The following MTMR10 variants were observed in gnomAD, a reference collection of about 807,000 sequenced individuals.
MTMR10 encodes myotubularin-related protein 10.
Under a neutral mutation model 88.1 loss-of-function variants are expected in MTMR10, and 56 were observed. The observed-to-expected ratio is 0.64, with a 90% confidence interval of 0.51 to 0.79. The LOEUF is 0.79. Among genes scored for constraint, MTMR10 ranks in the 30% least tolerant of loss-of-function variants. The probability of loss-of-function intolerance (pLI) is 0.00; values close to 1 mark genes in which losing one functional copy is unlikely to be tolerated. For synonymous variants in MTMR10, 380 were observed against 340.9 expected (o/e 1.11, Z -1.26); for missense variants, 883 against 924.7 (o/e 0.95, Z 0.58).
At chr15:30,943,444 C>A in intron 14 of MTMR10, 1 of 985,342 alleles carries the variant, frequency 1.0e-6, no homozygotes, top group Middle Eastern at 5.2e-4. Flanking sequence ...ACGGTCAGTA[C>A]ATTTAAGTAG....
rs2140981872 is a variant in MTMR10, at chr15:30,940,440, G to A, written c.*1030C>T. 1 of 985,372 alleles carries A rather than the reference G, an allele frequency of 1.0e-6. No homozygotes were observed. 61.0% of individuals were successfully genotyped at this position (985,372 alleles called of 1,614,324 possible). ...ATTTCTCCTCTATTCCTAAGCATTA[G>A]GAACTATGAGAGAAGGACATCTGTG... On this transcript the variant is annotated 3_prime_UTR_variant, in exon 16 of 16. Coordinates refer to ENST00000435680, the MANE Select transcript of MTMR10 (RefSeq NM_017762.3).
chr15:30,957,910 G>A (rs1017115969), intron 9 of MTMR10, among the ~76,000 whole-genome samples: 3 of 152,216 alleles, frequency 2.0e-5, no homozygotes, highest in African/African-American at 4.8e-5. Context: ...GGCAGAGGTG[G>A]AGCTGGGTTT....
At position 30,941,877 on chromosome 15, in the gene MTMR10, C is replaced by G. The variant is rs369814412; in HGVS notation, c.1927G>C (p.Gly643Arg). 6.2e-7 allele frequency: 1 copy of G among 1,614,018 alleles called. No homozygotes were observed. Among genetic ancestry groups the G allele is most frequent in the Non-Finnish European group, 8.5e-7 (1 of 1,179,896 alleles). ...CCAGAGACACGTGGCAGAATAACAC[C>G]GTGCAGGTTGGCGGGTTTGGAAAAC... ...EWFSKPANLH[G>R]VILPRVSGTH... Residue 643 changes from glycine to arginine, a missense_variant, in exon 16 of 16, where the codon GGT becomes CGT. By Grantham distance (125) the Gly-to-Arg change is moderately radical. This residue lies in a region of MTMR10 where 343 missense variants were observed against 323.2 expected (regional missense o/e 1.06). Transcript: ENST00000435680.
chr15:30,960,794 G>C (rs1035571630), intron 7 of MTMR10, 87 bp downstream of exon 7: 3 of 1,349,510 alleles, frequency 2.2e-6, no homozygotes, highest in African/African-American at 2.9e-5. Flanking sequence ...ACCACAACTT[G>C]AAAGTCATCA....
Position 30,942,079 on chromosome 15 carries a change from A to G in MTMR10, c.1732-7T>C. On this transcript the variant is annotated splice_polypyrimidine_tract_variant and splice_region_variant and intron_variant, in intron 15 of 15. Coordinates refer to ENST00000435680, the MANE Select transcript of MTMR10 (RefSeq NM_017762.3). ...GTGTGGAGCTGTAGCTTTTCTATAC[A>G]GAAGAGATTTTATTATGTTCCGGGG... is the stretch of plus-strand genomic sequence containing the variant. The G allele has an allele frequency of 6.2e-7, 1 of 1,606,810 alleles. No homozygotes were observed. Among genetic ancestry groups the G allele is most frequent in the South Asian group, 1.1e-5 (1 of 90,474 alleles).
intron 2 of MTMR10, among the ~76,000 whole-genome samples, chr15:30,990,364 A>C (rs1285285439): frequency 6.6e-6 from 1 of 152,258 alleles, no homozygotes; most frequent in Non-Finnish European, 1.5e-5. Flanking sequence ...GCAAATTTGC[A>C]AATACAGCTG....
chr15:30,987,248 C>T (rs1368924263), intron 2 of MTMR10, among the ~76,000 whole-genome samples: 1 of 152,170 alleles, frequency 6.6e-6, no homozygotes, highest in East Asian at 1.9e-4. Context: ...GGTAAGGTAA[C>T]AGTTTAAGCC....
the MTMR10 span, chr15:30,930,822 C>T: frequency 1.1e-6 from 1 of 916,134 alleles, no homozygotes; most frequent in Non-Finnish European, 1.7e-6. Context: ...GGGCCTGTCC[C>T]CTGCGACTGG....
chr15:30,965,681 A>T (rs2063464531), intron 6 of MTMR10, among the ~76,000 whole-genome samples: 4 of 152,300 alleles, frequency 2.6e-5, no homozygotes, highest in Admixed American at 2.6e-4. Flanking sequence ...TACACATCTT[A>T]CTTTACTCCA....
chr15:30,920,728 C>T, the MTMR10 span: 1 of 827,766 alleles, frequency 1.2e-6, no homozygotes, highest in Non-Finnish European at 2.0e-6. Flanking sequence ...AGCTGTCGGG[C>T]TCTCAGCATT....
In MTMR10 at chr15:30,939,067, G is replaced by T; in HGVS notation, c.*2403C>A. 1 of 985,390 alleles carries T rather than the reference G, an allele frequency of 1.0e-6. No individual in the cohort carries two copies. The highest frequency in any genetic ancestry group is 1.2e-6 in the Non-Finnish European group (1 of 829,916). The allele number at this position is 985,390 out of a possible 1,614,324, so 61.0% of individuals were successfully genotyped here. ...CAAGTCATCAATTTTAGGCACAAAGGTTTTAGTTTTCTCGGGAAATCAAGT... is the reference window on the plus strand; with the variant it reads ...CAAGTCATCAATTTTAGGCACAAAGTTTTTAGTTTTCTCGGGAAATCAAGT... On this transcript the variant is annotated 3_prime_UTR_variant, in exon 16 of 16. Transcript: ENST00000435680.
the MTMR10 span, chr15:30,928,516 G>GTGTGTGTGTGTGTGTA: frequency 6.2e-7 from 1 of 1,601,222 alleles, no homozygotes; most frequent in South Asian, 1.1e-5. Context: ...TTGTGTGTGT[G>GTGTGTGTGTGTGTGTA]TGTGTGTGTG....
chr15:30,971,985 C>T (rs1030055932), intron 5 of MTMR10, among the ~76,000 whole-genome samples: 4 of 152,124 alleles, frequency 2.6e-5, no homozygotes, highest in African/African-American at 9.7e-5. Flanking sequence ...GAACATTTAA[C>T]AAAATGTGAA....
chr15:30,982,093 G>GA (rs71420537), intron 2 of MTMR10, among the ~76,000 whole-genome samples: 27,126 of 149,746 alleles, frequency 0.18, 2,628 homozygotes, highest in African/African-American at 0.25. Context: ...AAAAGAAAAA[G>GA]AAAAAAAAGA....
At position 30,974,930 on chromosome 15, in the gene MTMR10, C is replaced by A; in HGVS notation, c.331+1G>T. 6.5e-7 allele frequency: 1 copy of A among 1,547,938 alleles called. No individual in the cohort carries two copies. Among genetic ancestry groups the A allele is most frequent in the Non-Finnish European group, 8.8e-7 (1 of 1,138,440 alleles). On this transcript the variant is annotated splice_donor_variant, in intron 4 of 15. Transcript: ENST00000435680. LOFTEE classifies it high-confidence loss of function. ...TAGAGTATGTACGGAATACTACGTACCTGTGACAATTTGCTCAATACATGT... is the reference window on the plus strand; with the variant it reads ...TAGAGTATGTACGGAATACTACGTAACTGTGACAATTTGCTCAATACATGT...
chr15:30,922,474 A>G, the MTMR10 span: 174 of 1,066,844 alleles, frequency 1.6e-4, 2 homozygotes, highest in Middle Eastern at 3.0e-3. Context: ...TTTTGTTAAC[A>G]TTCTTCTTTT....
chr15:30,935,012 C>T (rs2140966431), downstream of MTMR10, among the ~76,000 whole-genome samples: 1 of 151,058 alleles, frequency 6.6e-6, no homozygotes, highest in African/African-American at 2.4e-5. Context: ...TCTGTGTAGT[C>T]TCATTCTCCT....
In MTMR10 at chr15:30,940,213, G is replaced by GTT; in HGVS notation, c.*1256_*1257insAA. 1 of 985,264 alleles carries GTT rather than the reference G, an allele frequency of 1.0e-6. No individual in the cohort carries two copies. Among genetic ancestry groups the GTT allele is most frequent in the Non-Finnish European group, 1.2e-6 (1 of 829,872 alleles). 61.0% of individuals were successfully genotyped at this position (985,264 alleles called of 1,614,324 possible). A position where few individuals can be genotyped will look rare whatever the true frequency, so the allele number is the denominator to read the frequency against. On this transcript the variant is annotated 3_prime_UTR_variant, in exon 16 of 16. Transcript: ENST00000435680. ...GGAGGTGGTGCCCCGTTTCACTGCT[G>GTT]TAAGAAGCTTCAGCTTTGACCGCTA...
chr15:30,962,807 G>A (rs1209250915), intron 6 of MTMR10, among the ~76,000 whole-genome samples: 2 of 152,196 alleles, frequency 1.3e-5, no homozygotes, highest in African/African-American at 4.8e-5. Flanking sequence ...CAAAAGAGAA[G>A]TCCCCTAACT....
Sources: gnomAD v4.1 joint callset for allele counts (sites outside exome capture counted in the v4.1 genomes callset) on GRCh38, gnomAD v4.1.1 for gene constraint, gnomAD v4.1.1 regional missense constraint, MANE v1.5 for transcripts, NCBI Gene and HGNC (gene_info 2026-07-23, HGNC 2026-07-21) for gene names.